CCDC178: variants seen among roughly 807,000 people sequenced by gnomAD.
CCDC178 encodes the protein coiled-coil domain-containing protein 178.
CCDC178 carries 126 observed loss-of-function variants against 117.4 expected under a neutral mutation model. The ratio of observed to expected loss-of-function variants is 1.07; its 90% CI spans 0.93 to 1.24. CCDC178 has a LOEUF of 1.24. Ranked by LOEUF, CCDC178 falls within the 50% of genes most tolerant of loss-of-function variation. CCDC178 has a pLI of 0.00. For synonymous variants in CCDC178, 283 were observed against 313.4 expected (o/e 0.90, Z 1.02); for missense variants, 1,030 against 986.9 (o/e 1.04, Z -0.59).
intron 4 of CCDC178, among the ~76,000 whole-genome samples, chr18:33,396,643 TC>T (rs1328528598): frequency 4.6e-5 from 7 of 152,134 alleles, no homozygotes; most frequent in African/African-American, 1.7e-4. Context: ...ATATATTAAC[TC>T]AGTTTAATTT....
intron 22 of CCDC178, among the ~76,000 whole-genome samples, chr18:32,942,234 T>C (rs2054254221): frequency 1.3e-5 from 2 of 152,138 alleles, no homozygotes; most frequent in Non-Finnish European, 2.9e-5. Flanking sequence ...CCACCAGAAC[T>C]TTCTCCTCTC....
chr18:33,419,148 C>T (rs1056614267), intron 2 of CCDC178, among the ~76,000 whole-genome samples: 15 of 152,100 alleles, frequency 9.9e-5, no homozygotes, highest in Non-Finnish European at 1.9e-4. Context: ...CACTTTCAAC[C>T]ATCTGGTCTT....
chr18:33,190,641 C>T (rs1441597767), intron 20 of CCDC178, among the ~76,000 whole-genome samples: 2 of 152,068 alleles, frequency 1.3e-5, no homozygotes, highest in Non-Finnish European at 2.9e-5. Context: ...ACATTTGATG[C>T]AATGTTAGGC....
chr18:33,152,470 G>A (rs559951388), intron 20 of CCDC178, among the ~76,000 whole-genome samples: 20 of 151,826 alleles, frequency 1.3e-4, no homozygotes, highest in Non-Finnish European at 2.8e-4. Flanking sequence ...TGTGCACTGG[G>A]GCTTGACCTC....
At chr18:33,403,105 C>T (rs1218594396) in intron 3 of CCDC178, among the ~76,000 whole-genome samples, 5 of 152,244 alleles carry the variant, frequency 3.3e-5, no homozygotes, top group African/African-American at 1.2e-4. Flanking sequence ...CCCATGAAAG[C>T]CCTAATCTCT....
intron 15 of CCDC178, among the ~76,000 whole-genome samples, chr18:33,233,813 G>A (rs1009293097): frequency 1.3e-5 from 2 of 152,010 alleles, no homozygotes; most frequent in African/African-American, 4.8e-5. Flanking sequence ...AATATTCTTA[G>A]AGCCAATAAT....
chr18:33,287,489 C>A (rs2060113077), intron 12 of CCDC178, among the ~76,000 whole-genome samples: 1 of 152,046 alleles, frequency 6.6e-6, no homozygotes, highest in Non-Finnish European at 1.5e-5. Flanking sequence ...TCAAAAATAA[C>A]ATTTTGTGGC....
intron 21 of CCDC178, among the ~76,000 whole-genome samples, chr18:33,077,651 C>T (rs1225335471): frequency 1.3e-5 from 2 of 152,162 alleles, no homozygotes; most frequent in Non-Finnish European, 2.9e-5. Context: ...ACTACAAATA[C>T]CTCTGTGCAC....
intron 21 of CCDC178, among the ~76,000 whole-genome samples, chr18:32,986,036 T>C (rs925235476): frequency 6.6e-6 from 1 of 152,086 alleles, no homozygotes; most frequent in Non-Finnish European, 1.5e-5. Flanking sequence ...ATACAACATT[T>C]TAGACAGGGT....
chr18:33,218,801 A>G (rs1045679273), intron 18 of CCDC178, among the ~76,000 whole-genome samples: 5 of 151,894 alleles, frequency 3.3e-5, no homozygotes, highest in Non-Finnish European at 7.4e-5. Context: ...GCTCTGTTCC[A>G]TTGGTCTCTA....
intron 20 of CCDC178, among the ~76,000 whole-genome samples, chr18:33,124,710 T>C (rs1206078872): frequency 6.6e-6 from 1 of 152,198 alleles, no homozygotes; most frequent in Non-Finnish European, 1.5e-5. Flanking sequence ...TAATTCATAA[T>C]ACGTGCAAAA....
chr18:33,391,018 T>C (rs1344884568), intron 4 of CCDC178, among the ~76,000 whole-genome samples: 2 of 151,178 alleles, frequency 1.3e-5, no homozygotes, highest in Admixed American at 6.6e-5. Context: ...AAATATTCAA[T>C]AATAGGAAAT....
At chr18:33,416,710 C>T (rs2063946175) in intron 2 of CCDC178, among the ~76,000 whole-genome samples, 2 of 152,076 alleles carry the variant, frequency 1.3e-5, no homozygotes, top group African/African-American at 2.4e-5. Flanking sequence ...TATTCTTCCC[C>T]ACTGGGTAGT....
chr18:33,138,855 G>A (rs2058160860), intron 20 of CCDC178, among the ~76,000 whole-genome samples: 1 of 152,076 alleles, frequency 6.6e-6, no homozygotes, highest in Non-Finnish European at 1.5e-5. Flanking sequence ...GCCTTGAAGT[G>A]GTACAGTCCC....
Position 33,047,132 on chromosome 18 carries a change from A to G in CCDC178, c.2388+45629T>C, listed in dbSNP as rs186134391. On this transcript the variant is annotated intron_variant, in intron 21 of 22. Transcript: ENST00000383096. ...GTCTCCTGTGTTTATGCTACTTTAA[A>G]AAATTCAACTGAAAAAGCAAAGATG... 5.3e-5 allele frequency among the ~76,000 whole-genome samples: 8 copies of G among 152,318 alleles called. No homozygotes were observed. In the South Asian group the frequency reaches 8.3e-4, roughly 16 times the overall value.
chr18:33,048,801 T>C (rs1567955556), intron 21 of CCDC178, among the ~76,000 whole-genome samples: 1 of 152,162 alleles, frequency 6.6e-6, no homozygotes, highest in African/African-American at 2.4e-5. Context: ...AAAAATAACA[T>C]ATTACAATTT....
chr18:33,305,126 G>A (rs1206463350), intron 11 of CCDC178, among the ~76,000 whole-genome samples: 1 of 152,110 alleles, frequency 6.6e-6, no homozygotes, highest in East Asian at 1.9e-4. Context: ...AATCAAACTG[G>A]TGACCCAGCA....
intron 18 of CCDC178, among the ~76,000 whole-genome samples, chr18:33,222,123 C>G (rs1301025202): frequency 6.6e-5 from 10 of 152,018 alleles, no homozygotes; most frequent in Admixed American, 6.6e-4. Context: ...GGGGGTAAAA[C>G]AGTAGACATA....
intron 12 of CCDC178, among the ~76,000 whole-genome samples, chr18:33,291,348 A>G (rs1472030465): frequency 6.6e-6 from 1 of 152,166 alleles, no homozygotes; most frequent in Non-Finnish European, 1.5e-5. Flanking sequence ...AGTATCCATG[A>G]TATATAAATT....
Sources: allele counts gnomAD v4.1 joint callset (sites outside exome capture counted in the v4.1 genomes callset), GRCh38; gene constraint gnomAD v4.1.1; transcripts MANE v1.5; gene names NCBI Gene and HGNC (gene_info 2026-07-23, HGNC 2026-07-21).